The following CCDC160 variants were observed in gnomAD, a reference collection of about 807,000 sequenced individuals.
CCDC160 encodes the protein coiled-coil domain containing 160, also known as coiled-coil domain-containing protein 160.
For synonymous variants in CCDC160, 94 were observed against 79.4 expected (o/e 1.18, Z -0.98); for missense variants, 227 against 215.6 (o/e 1.05, Z -0.33).
chrX:134,244,848 T>C lies in CCDC160; in HGVS notation c.48T>C (p.Phe16=), dbSNP rs780482621. 4.2e-6 allele frequency: 5 copies of C among 1,184,021 alleles called. No individual in the cohort carries two copies. In the East Asian group the frequency reaches 1.5e-4, roughly 35 times the overall value. Reference sequence around the variant, plus strand: ...GGAAGGAGAATATGTTTACTCCTTTTTTTAGTGCACAAGATGTTCTAGAAG... The same window carrying C: ...GGAAGGAGAATATGTTTACTCCTTTCTTTAGTGCACAAGATGTTCTAGAAG... Residue 16 remains phenylalanine, a synonymous_variant, in exon 2 of 2, where the codon TTT becomes TTC. Coordinates refer to ENST00000370809, the Ensembl canonical transcript of CCDC160.
intron 1 of CCDC160, among the ~76,000 whole-genome samples, chrX:134,239,130 A>AT (rs1490018671): frequency 8.9e-6 from 1 of 112,322 alleles, no homozygotes; most frequent in African/African-American, 3.2e-5. Flanking sequence ...GAATCAAAGC[A>AT]TTGTAGAGAT....
chrX:134,237,919 C>G (rs1216547050), intron 1 of CCDC160, among the ~76,000 whole-genome samples: 2 of 111,686 alleles, frequency 1.8e-5, no homozygotes, highest in Non-Finnish European at 3.8e-5. Flanking sequence ...TTTTCTTCCC[C>G]CTCAATAGCT....
intron 1 of CCDC160, among the ~76,000 whole-genome samples, 192 bp downstream of exon 2, chrX:134,239,032 A>G (rs2124124373): frequency 8.9e-6 from 1 of 112,269 alleles, no homozygotes; most frequent in Non-Finnish European, 1.9e-5. Context: ...GGGAAAAATA[A>G]AAGTGCTTTC....
intron 1 of CCDC160, among the ~76,000 whole-genome samples, chrX:134,240,040 T>A (rs1306134983): frequency 8.9e-6 from 1 of 112,077 alleles, no homozygotes; most frequent in African/African-American, 3.2e-5. Flanking sequence ...TGGTATTTAA[T>A]GGTTTTCTGC....
chrX:134,245,919 A>G (rs1388108020), downstream of CCDC160: 6 of 438,116 alleles, frequency 1.4e-5, no homozygotes, highest in Non-Finnish European at 2.2e-5. Context: ...AAACATATAC[A>G]TGTTTCCAAG....
exon 2 of CCDC160, chrX:134,245,304 T>C: frequency 1.7e-6 from 2 of 1,183,591 alleles, no homozygotes; most frequent in Non-Finnish European, 2.3e-6. Flanking sequence ...AAGAGGAATT[T>C]GAAAATGCTG....
chrX:134,245,449 G>A (rs2077040017), exon 2 of CCDC160: 2 of 1,181,644 alleles, frequency 1.7e-6, no homozygotes, highest in Non-Finnish European at 2.3e-6. Flanking sequence ...AGCAACAAAT[G>A]TAAAAAACTT....
chrX:134,243,298 A>G, intron 1 of CCDC160: 1 of 694,736 alleles, frequency 1.4e-6, no homozygotes. Flanking sequence ...TTAAGAATAT[A>G]TGTACCTTCT....
chrX:134,244,807 G>A, exon 2 of CCDC160: 2 of 1,164,495 alleles, frequency 1.7e-6, no homozygotes, highest in Non-Finnish European at 2.3e-6. Context: ...AGAAATGGAT[G>A]CTAGAAGAAA....
Position 134,245,320 on chromosome X carries a change from G to T in CCDC160, c.520G>T (p.Glu174Ter). ...AGAGGAATTTGAAAATGCTGAAAAA[G>T]AACTTTTGCACTACAAAAAAGAAAT... Residue 174 changes from glutamate to a stop codon, truncating the protein, a stop_gained, in exon 2 of 2, where the codon GAA becomes TAA. Transcript: ENST00000370809. LOFTEE classifies it low-confidence loss of function (END_TRUNC). 3 of 1,187,260 alleles carry T rather than the reference G, an allele frequency of 2.5e-6. No individual in the cohort carries two copies. Among genetic ancestry groups the T allele is most frequent in the East Asian group, 3.0e-5 (1 of 33,444 alleles).
exon 2 of CCDC160, chrX:134,245,040 A>T: frequency 8.5e-7 from 1 of 1,178,676 alleles, no homozygotes; most frequent in Non-Finnish European, 1.1e-6. Flanking sequence ...AAAATTTAAG[A>T]GAGAACAAGA....
At chrX:134,244,140 A>C (rs2077035243) in intron 1 of CCDC160, among the ~76,000 whole-genome samples, 1 of 111,880 alleles carries the variant, frequency 8.9e-6, no homozygotes, top group African/African-American at 3.3e-5. Context: ...TCCTCATGAA[A>C]TTGCTGTCAA....
chrX:134,237,801 G>T (rs757217707), intron 1 of CCDC160, among the ~76,000 whole-genome samples: 47 of 112,042 alleles, frequency 4.2e-4, no homozygotes, highest in Middle Eastern at 4.2e-3. Flanking sequence ...TCAGCCTTCG[G>T]AATTAAGGTG....
chrX:134,238,367 CTTTTTTTTTT>C (rs1161935568), intron 1 of CCDC160, among the ~76,000 whole-genome samples: 1 of 75,536 alleles, frequency 1.3e-5, no homozygotes, highest in Non-Finnish European at 2.5e-5. Flanking sequence ...TATCACTTGT[CTTTTTTTTTT>C]TTTTTTTTTT....
downstream of CCDC160, chrX:134,246,030 TGTGTAC>T: frequency 4.4e-6 from 1 of 228,506 alleles, no homozygotes; most frequent in Non-Finnish European, 7.8e-6. Flanking sequence ...TGTGTGTGTG[TGTGTAC>T]ACACACACAT....
exon 2 of CCDC160, chrX:134,245,117 C>A: frequency 8.4e-7 from 1 of 1,191,581 alleles, no homozygotes; most frequent in Admixed American, 2.3e-5. Context: ...GTGGATGTTA[C>A]AACAGAAGAA....
chrX:134,242,686 T>C (rs2077031236), intron 1 of CCDC160, among the ~76,000 whole-genome samples: 1 of 110,791 alleles, frequency 9.0e-6, no homozygotes, highest in African/African-American at 3.3e-5. Context: ...GAAAAGAGTT[T>C]TTTATTTTAA....
chrX:134,240,833 C>A (rs2077025498), intron 1 of CCDC160, among the ~76,000 whole-genome samples: 1 of 107,035 alleles, frequency 9.3e-6, no homozygotes, highest in African/African-American at 3.4e-5. Context: ...TGCCACCACA[C>A]CTATCTAATT....
At chrX:134,244,692 T>A in intron 1 of CCDC160, 85 bp from the exon 3 acceptor site, 1 of 898,108 alleles carries the variant, frequency 1.1e-6, no homozygotes, top group Non-Finnish European at 1.5e-6. Flanking sequence ...TCTTCACCCG[T>A]GAGCCAGCAT....
Sources: allele counts gnomAD v4.1 joint callset (sites outside exome capture counted in the v4.1 genomes callset), GRCh38; gene constraint gnomAD v4.1.1; transcripts MANE v1.5; gene names NCBI Gene and HGNC (gene_info 2026-07-23, HGNC 2026-07-21).